The following FOXP1 variants were observed in gnomAD, a reference collection of about 807,000 sequenced individuals.
The protein encoded by FOXP1 is forkhead box protein P1.
In FOXP1, 15 loss-of-function variants were observed where a neutral mutation model predicts 98.2. The ratio of observed to expected loss-of-function variants is 0.15; its 90% CI spans 0.10 to 0.24. The LOEUF is 0.24. Among genes scored for constraint, FOXP1 ranks in the 10% least tolerant of loss-of-function variants. The pLI, the probability that FOXP1 is intolerant of heterozygous loss-of-function variation, is 1.00. For synonymous variants in FOXP1, 371 were observed against 314.5 expected, an observed-to-expected ratio of 1.18 and a Z score of -1.90; for missense variants, 633 against 848.5, an observed-to-expected ratio of 0.75 and a Z score of 3.15.
chr3:71,409,015 G>A (rs566382296), intron 3 of FOXP1, among the ~76,000 whole-genome samples: 2 of 152,280 alleles, frequency 1.3e-5, no homozygotes, highest in East Asian at 1.9e-4. Flanking sequence ...ATGTATAATA[G>A]TCCAATCAGG....
intron 2 of FOXP1, among the ~76,000 whole-genome samples, chr3:71,562,555 T>C (rs2046620963): frequency 6.6e-6 from 1 of 152,132 alleles, no homozygotes; most frequent in East Asian, 1.9e-4. Context: ...ATTATTGACC[T>C]TTCACTGAGG....
chr3:71,007,123 T>G (rs1434081169), intron 12 of FOXP1, among the ~76,000 whole-genome samples: 1 of 152,154 alleles, frequency 6.6e-6, no homozygotes, highest in African/African-American at 2.4e-5. Context: ...AAAAAATTTT[T>G]TTTGGTAACA....
chr3:71,103,367 A>G (rs2057138609), intron 7 of FOXP1, among the ~76,000 whole-genome samples: 1 of 152,220 alleles, frequency 6.6e-6, no homozygotes, highest in African/African-American at 2.4e-5. Flanking sequence ...AATAGAAATA[A>G]TAAGTGTAGG....
At chr3:71,269,098 G>GT (rs371969799) in intron 5 of FOXP1, among the ~76,000 whole-genome samples, 17,675 of 136,568 alleles carry the variant, frequency 0.13, 1,198 homozygotes, top group Admixed American at 0.16. Context: ...GGTTTTTTTT[G>GT]TTTTTTTTTT....
chr3:71,195,818 T>C (rs2063266215), intron 6 of FOXP1, among the ~76,000 whole-genome samples: 1 of 152,226 alleles, frequency 6.6e-6, no homozygotes, highest in South Asian at 2.1e-4. Flanking sequence ...ATAAAAATGA[T>C]GAAAACAACC....
intron 3 of FOXP1, among the ~76,000 whole-genome samples, chr3:71,468,835 G>T (rs1019404223): frequency 1.3e-5 from 2 of 152,302 alleles, no homozygotes; most frequent in Non-Finnish European, 2.9e-5. Flanking sequence ...TGTGAAAGGA[G>T]AAGCACCAGA....
chr3:71,317,913 A>G (rs1019939696), intron 4 of FOXP1, among the ~76,000 whole-genome samples: 1 of 152,234 alleles, frequency 6.6e-6, no homozygotes, highest in African/African-American at 2.4e-5. Context: ...CTTAGTTTAC[A>G]TACTTTTCAG....
intron 11 of FOXP1, among the ~76,000 whole-genome samples, chr3:71,020,198 C>T (rs1350432347): frequency 1.1e-4 from 16 of 151,986 alleles, no homozygotes; most frequent in Non-Finnish European, 4.4e-5. Flanking sequence ...GATAGCATTT[C>T]AGATTAGAAA....
chr3:71,107,190 G>A (rs1054945779), intron 7 of FOXP1, among the ~76,000 whole-genome samples: 1 of 152,166 alleles, frequency 6.6e-6, no homozygotes, highest in East Asian at 1.9e-4. Flanking sequence ...TAACAAAAAC[G>A]AACGAACTCA....
chr3:71,322,396 T>C (rs1296572585), intron 4 of FOXP1, among the ~76,000 whole-genome samples: 1 of 152,236 alleles, frequency 6.6e-6, no homozygotes, highest in East Asian at 1.9e-4. Flanking sequence ...AGTGTAGATA[T>C]AGAACATTTT....
chr3:71,491,808 T>G (rs1234480368), intron 3 of FOXP1, among the ~76,000 whole-genome samples: 1 of 152,226 alleles, frequency 6.6e-6, no homozygotes, highest in Non-Finnish European at 1.5e-5. Context: ...TTTTAATGTA[T>G]ACAAGGGGAA....
At chr3:71,509,189 C>T (rs554482120) in intron 2 of FOXP1, among the ~76,000 whole-genome samples, 59 of 152,262 alleles carry the variant, frequency 3.9e-4, no homozygotes, top group South Asian at 1.7e-3. Flanking sequence ...ATACTGTATG[C>T]TCCCTTATTA....
intron 20 of FOXP1, 142 bp downstream of exon 20, chr3:70,965,748 A>C: frequency 2.4e-6 from 2 of 850,186 alleles, no homozygotes; most frequent in Non-Finnish European, 4.0e-6. Context: ...ACATTTCTTG[A>C]AGTACAAACT....
At chr3:71,340,417 T>TG (rs1201548051) in intron 4 of FOXP1, among the ~76,000 whole-genome samples, 1 of 152,210 alleles carries the variant, frequency 6.6e-6, no homozygotes, top group East Asian at 1.9e-4. Context: ...TTCTGTATTT[T>TG]GGGGGGAAAA....
chr3:71,357,504 T>C lies in FOXP1; in HGVS notation c.-73+1646A>G, dbSNP rs927327129. On this transcript the variant is annotated intron_variant, in intron 4 of 20. Coordinates refer to ENST00000649528, the MANE Select transcript of FOXP1 (RefSeq NM_001349338.3). ...CAGCATGATTTCGTAAAAGTAACCA[T>C]AATGGTTGCTCAGTAAGCATTCACC... 8.5e-5 allele frequency among the ~76,000 whole-genome samples: 13 copies of C among 152,222 alleles called. 2 individuals carry two copies. Among genetic ancestry groups the C allele is most frequent in the Admixed American group, 7.9e-4 (12 of 15,282 alleles).
chr3:70,998,323 G>A (rs1422490336), intron 13 of FOXP1, among the ~76,000 whole-genome samples: 1 of 152,194 alleles, frequency 6.6e-6, no homozygotes, highest in Non-Finnish European at 1.5e-5. Context: ...CATGGACACT[G>A]AAATTGGAAT....
At chr3:71,283,961 T>C (rs1210793719) in intron 5 of FOXP1, among the ~76,000 whole-genome samples, 1 of 152,114 alleles carries the variant, frequency 6.6e-6, no homozygotes, top group Non-Finnish European at 1.5e-5. Context: ...TCCCCACTCC[T>C]TCAAACCCTG....
chr3:71,374,158 C>T (rs968241232), intron 3 of FOXP1, among the ~76,000 whole-genome samples: 3 of 152,104 alleles, frequency 2.0e-5, no homozygotes, highest in Admixed American at 6.5e-5. Context: ...GGTTGACATC[C>T]GTTTCTAGAA....
chr3:71,076,934 A>T (rs1430037762), intron 7 of FOXP1, among the ~76,000 whole-genome samples: 1 of 152,180 alleles, frequency 6.6e-6, no homozygotes, highest in East Asian at 1.9e-4. Flanking sequence ...GAGTCAGTGG[A>T]TCTCTAATAT....
Sources: gnomAD v4.1 joint callset for allele counts (sites outside exome capture counted in the v4.1 genomes callset) on GRCh38, gnomAD v4.1.1 for gene constraint, MANE v1.5 for transcripts, NCBI Gene and HGNC (gene_info 2026-07-23, HGNC 2026-07-21) for gene names.